ABTB2: variants seen among roughly 807,000 people sequenced by gnomAD.
The protein encoded by ABTB2 is ankyrin repeat and BTB domain containing 2.
A neutral mutation model predicts 104.1 loss-of-function variants in ABTB2; 56 were observed. That is an observed-to-expected ratio of 0.54 (90% confidence interval 0.43 to 0.67). The LOEUF is 0.67. Ranked by LOEUF, ABTB2 falls within the 30% of genes least tolerant of loss-of-function variation. The pLI, the probability that ABTB2 is intolerant of heterozygous loss-of-function variation, is 0.00. For missense variants in ABTB2, 1,279 were observed against 1,407.7 expected, an observed-to-expected ratio of 0.91 and a Z score of 1.46; for synonymous variants, 606 against 608.2, an observed-to-expected ratio of 1.00 and a Z score of 0.05.
intron 1 of ABTB2, among the ~76,000 whole-genome samples, chr11:34,251,091 T>C (rs367547546): frequency 7.3e-4 from 111 of 152,298 alleles, no homozygotes; most frequent in African/African-American, 2.5e-3. Flanking sequence ...AAGAGATAAA[T>C]CTTCTACCCT....
chr11:34,167,282 G>T lies in ABTB2; in HGVS notation c.1732C>A (p.His578Asn), dbSNP rs1391303898. Residue 578 changes from histidine (H) to asparagine (N), a missense_variant, in exon 7 of 17, where the codon CAT (histidine) becomes AAT (asparagine). By Grantham distance (68) the His-to-Asn change is moderately conservative. Transcript: ENST00000435224. ...ACCTGGACCACAGAGATGTGTCCATGCAGCACAGCGAATGTCAGTGAGGTC... is the reference window on the plus strand; with the variant it reads ...ACCTGGACCACAGAGATGTGTCCATTCAGCACAGCGAATGTCAGTGAGGTC... ...HWTSLTFAVL[H>N]GHISVVQLLL... 7 of 1,612,602 alleles carry T rather than the reference G, an allele frequency of 4.3e-6. No homozygotes were observed. The highest frequency in any genetic ancestry group is 5.9e-6 in the Non-Finnish European group (7 of 1,179,378).
intron 4 of ABTB2, among the ~76,000 whole-genome samples, chr11:34,172,459 T>TAGACAGATAGATAGATAGAC (rs147770226): frequency 7.7e-6 from 1 of 130,516 alleles, no homozygotes; most frequent in African/African-American, 3.0e-5. Flanking sequence ...GATAGATAGA[T>TAGACAGATAGATAGATAGAC]AGATAGATAG....
intron 3 of ABTB2, among the ~76,000 whole-genome samples, chr11:34,179,412 C>G (rs1219183504): frequency 1.3e-5 from 2 of 152,204 alleles, no homozygotes; most frequent in African/African-American, 4.8e-5. Context: ...CTGTGGAAGA[C>G]CACAGCTGAT....
chr11:34,213,220 G>A (rs1306119568), intron 1 of ABTB2, among the ~76,000 whole-genome samples: 1 of 152,228 alleles, frequency 6.6e-6, no homozygotes, highest in East Asian at 1.9e-4. Flanking sequence ...GCTCACGCCT[G>A]TAATCCCAGC....
intron 3 of ABTB2, among the ~76,000 whole-genome samples, chr11:34,194,519 C>G (rs566834528): frequency 1.6e-4 from 24 of 152,032 alleles, no homozygotes; most frequent in African/African-American, 5.3e-4. Flanking sequence ...GAGAGGTTTT[C>G]CCCAGAGCTC....
intron 1 of ABTB2, among the ~76,000 whole-genome samples, chr11:34,265,379 G>A (rs1854234523): frequency 6.6e-6 from 1 of 152,178 alleles, no homozygotes; most frequent in Non-Finnish European, 1.5e-5. Context: ...CATCAGAATT[G>A]GCTGGGCGTG....
chr11:34,167,130 G>A, intron 7 of ABTB2, 129 bp downstream of exon 7: 1 of 817,506 alleles, frequency 1.2e-6, no homozygotes, highest in South Asian at 1.6e-5. Context: ...CAGGTGAGCT[G>A]GCCTCAAGCA....
At chr11:34,182,509 G>GGGA (rs1853043283) in intron 3 of ABTB2, among the ~76,000 whole-genome samples, 1 of 137,056 alleles carries the variant, frequency 7.3e-6, no homozygotes, top group Non-Finnish European at 1.6e-5. Flanking sequence ...GGGGGGGGGG[G>GGGA]AAATTCACTT....
In ABTB2 at chr11:34,159,328, C is replaced by G. The variant is rs199929350; in HGVS notation, c.2665G>C (p.Glu889Gln). 5.0e-6 allele frequency: 8 copies of G among 1,613,832 alleles called. No homozygotes were observed. The highest frequency in any genetic ancestry group is 3.3e-5 in the Admixed American group (2 of 60,000). ...ATGTGGTACTTCATGTCGCTGATCTCGATGGTCTTGCTGCTGTCCCCATCC... is the reference window on the plus strand; with the variant it reads ...ATGTGGTACTTCATGTCGCTGATCTGGATGGTCTTGCTGCTGTCCCCATCC... The part of the protein sequence containing the change: ...EQDGDSSKTI[E>Q]ISDMKYHIFQ... The change falls in exon 14 of 17, where the codon GAG (glutamate) becomes CAG (glutamine). Residue 889 changes from glutamate to glutamine, a missense_variant. Transcript: ENST00000435224.
chr11:34,282,519 TTTTTC>T (rs1304407534), intron 1 of ABTB2, among the ~76,000 whole-genome samples: 2 of 152,012 alleles, frequency 1.3e-5, no homozygotes, highest in African/African-American at 2.4e-5. Flanking sequence ...GTACTTTTCT[TTTTTC>T]TTTTCTTTTC....
chr11:34,244,581 T>C (rs1453060756), intron 1 of ABTB2, among the ~76,000 whole-genome samples: 1 of 152,224 alleles, frequency 6.6e-6, no homozygotes, highest in Non-Finnish European at 1.5e-5. Context: ...CTCTTCCCCA[T>C]GGTGAATAAG....
At position 34,197,417 on chromosome 11, in the gene ABTB2, G is replaced by A; in HGVS notation, c.1152C>T (p.Leu384=). 6.2e-7 allele frequency: 1 copy of A among 1,610,054 alleles called. No individual in the cohort carries two copies. The highest frequency in any genetic ancestry group is 8.5e-7 in the Non-Finnish European group (1 of 1,177,082). The change falls in exon 3 of 17, where the codon CTC becomes CTT. Residue 384 remains leucine (L), a synonymous_variant. Transcript: ENST00000435224. ...ACCGCAGAAAGTAGTAGAGCGTGTGGAGGGCGTCGGGGGACCAAGTGATGG... is the reference window on the plus strand; with the variant it reads ...ACCGCAGAAAGTAGTAGAGCGTGTGAAGGGCGTCGGGGGACCAAGTGATGG... The part of the protein sequence containing the change: ...PQPITWSPDA[L]HTLYYFLRCP...
intron 1 of ABTB2, among the ~76,000 whole-genome samples, chr11:34,279,652 C>T (rs1214095639): frequency 6.6e-6 from 1 of 152,120 alleles, no homozygotes; most frequent in African/African-American, 2.4e-5. Context: ...GGATTCTACT[C>T]TCAAGAAGAA....
intron 1 of ABTB2, among the ~76,000 whole-genome samples, chr11:34,283,501 C>T (rs1854471825): frequency 6.6e-6 from 1 of 152,176 alleles, no homozygotes; most frequent in Admixed American, 6.5e-5. Flanking sequence ...TAGGTGTGAG[C>T]CACCACACCC....
chr11:34,357,713 G>A lies in ABTB2; in HGVS notation c.-130C>T. ...CCTTCCTCTCTGCGTCGCGGGGCTC[G>A]GCGGCCGCATTGCCTGCCCGGAGGC... On this transcript the variant is annotated 5_prime_UTR_variant, in exon 1 of 17. Transcript: ENST00000435224. The A allele has an allele frequency of 2.7e-6, 3 of 1,092,032 alleles. No individual in the cohort carries two copies. Among genetic ancestry groups the A allele is most frequent in the Non-Finnish European group, 3.6e-6 (3 of 828,824 alleles). The allele number at this position is 1,092,032 out of a possible 1,614,324, so 67.6% of individuals were successfully genotyped here. A position where few individuals can be genotyped will look rare whatever the true frequency, so the allele number is the denominator to read the frequency against.
chr11:34,226,092 C>A (rs1185066640), intron 1 of ABTB2, among the ~76,000 whole-genome samples: 2 of 150,442 alleles, frequency 1.3e-5, no homozygotes, highest in Non-Finnish European at 3.0e-5. Flanking sequence ...GTCCCAGATA[C>A]TTGGGAGGCT....
chr11:34,315,686 C>T (rs925497278), intron 1 of ABTB2, among the ~76,000 whole-genome samples: 3 of 152,178 alleles, frequency 2.0e-5, no homozygotes, highest in South Asian at 2.1e-4. Context: ...TCTGGCTGGC[C>T]GTAGCCCGGA....
chr11:34,258,628 T>TTTTTTG (rs1854153224), intron 1 of ABTB2, among the ~76,000 whole-genome samples: 1 of 143,690 alleles, frequency 7.0e-6, no homozygotes, highest in African/African-American at 2.6e-5. Context: ...TTTTTTTTTT[T>TTTTTTG]GAGACGGAGT....
intron 4 of ABTB2, among the ~76,000 whole-genome samples, chr11:34,172,832 C>T (rs768790209): frequency 1.3e-5 from 2 of 152,214 alleles, no homozygotes; most frequent in African/African-American, 2.4e-5. Flanking sequence ...GAGGAAAGAA[C>T]GGGCCCACTT....
Sources: gnomAD v4.1 joint callset for allele counts (sites outside exome capture counted in the v4.1 genomes callset) on GRCh38, gnomAD v4.1.1 for gene constraint, MANE v1.5 for transcripts, NCBI Gene and HGNC (gene_info 2026-07-23, HGNC 2026-07-21) for gene names.